ZNF624: variants seen among roughly 807,000 people sequenced by gnomAD.
ZNF624 encodes zinc finger protein 624.
Under a neutral mutation model 74.7 loss-of-function variants are expected in ZNF624, and 43 were observed. The ratio of observed to expected loss-of-function variants is 0.58; its 90% CI spans 0.45 to 0.74. The LOEUF (loss-of-function observed/expected upper bound fraction) is 0.74, where lower values mean the gene tolerates loss of function less well. Ranked by LOEUF, ZNF624 falls within the 30% of genes least tolerant of loss-of-function variation. The pLI, the probability that ZNF624 is intolerant of heterozygous loss-of-function variation, is 0.00. For synonymous variants in ZNF624, 331 were observed against 341.3 expected, an observed-to-expected ratio of 0.97 and a Z score of 0.33; for missense variants, 820 against 1,030.0, an observed-to-expected ratio of 0.80 and a Z score of 2.79.
chr17:16,622,277 CTTA>C lies in ZNF624; in HGVS notation c.*8_*10del. 1 of 1,527,230 alleles carries C rather than the reference CTTA, an allele frequency of 6.5e-7. No individual in the cohort carries two copies. The allele number at this position is 1,527,230 out of a possible 1,614,324, so 94.6% of individuals were successfully genotyped here. A position where few individuals can be genotyped will look rare whatever the true frequency, so the allele number is the denominator to read the frequency against. On this transcript the variant is annotated 3_prime_UTR_variant, in exon 6 of 6. Transcript: ENST00000311331. Reference sequence around the variant, plus strand: ...GTGGAGTTGACATCTAGGTGAATGACTTATTGTTCTTTATATTAACTGAGTTTC... The same window carrying C: ...GTGGAGTTGACATCTAGGTGAATGACTTGTTCTTTATATTAACTGAGTTTC...
intron 3 of ZNF624, among the ~76,000 whole-genome samples, chr17:16,646,594 G>T (rs1487601123): frequency 2.0e-5 from 3 of 152,168 alleles, no homozygotes; most frequent in African/African-American, 7.2e-5. Flanking sequence ...AAAGAATGCT[G>T]GAATAAGACT....
chr17:16,617,501 C>A (rs572145539), downstream of ZNF624: 7 of 1,598,670 alleles, frequency 4.4e-6, no homozygotes, highest in Admixed American at 8.3e-5. Flanking sequence ...CGCATAAAAT[C>A]CTTTAAATCT....
At chr17:16,626,389 A>G (rs1909072802) in intron 5 of ZNF624, among the ~76,000 whole-genome samples, 1 of 152,122 alleles carries the variant, frequency 6.6e-6, no homozygotes, top group Non-Finnish European at 1.5e-5. Context: ...AATTAGTTTG[A>G]GCATATTTTT....
At chr17:16,627,547 G>A (rs1400071777) in intron 5 of ZNF624, among the ~76,000 whole-genome samples, 1 of 152,106 alleles carries the variant, frequency 6.6e-6, no homozygotes. Context: ...AAACAATCCT[G>A]GTATTTGGTG....
chr17:16,647,162 A>G (rs1597499265), intron 3 of ZNF624, among the ~76,000 whole-genome samples, 167 bp downstream of exon 3: 1 of 152,200 alleles, frequency 6.6e-6, no homozygotes, highest in Non-Finnish European at 1.5e-5. Context: ...TACGGCTGCC[A>G]CCTCTGAGAG....
intron 5 of ZNF624, among the ~76,000 whole-genome samples, chr17:16,631,935 CAAAAAG>C (rs972586449): frequency 6.6e-6 from 1 of 151,858 alleles, no homozygotes; most frequent in Non-Finnish European, 1.5e-5. Flanking sequence ...TAAACTGAAA[CAAAAAG>C]AAAAAGGAAA....
intron 1 of ZNF624, chr17:16,653,418 G>A (rs1909776242): frequency 6.6e-6 from 1 of 152,350 alleles, no homozygotes; most frequent in Admixed American, 6.5e-5. Flanking sequence ...TGGGAAGACC[G>A]GGAAAGTCGG....
At position 16,623,263 on chromosome 17, in the gene ZNF624, T is replaced by A; in HGVS notation, c.1623A>T (p.Ser541=). 1 of 1,613,992 alleles carries A rather than the reference T, an allele frequency of 6.2e-7. No individual in the cohort carries two copies. The highest frequency in any genetic ancestry group is 8.5e-7 in the Non-Finnish European group (1 of 1,179,884). The change falls in exon 6 of 6, where the codon TCA becomes TCT. Residue 541 remains serine (S), a synonymous_variant. Transcript: ENST00000311331. The surrounding 1 kb of genome is among the most constrained non-coding windows in gnomAD (Gnocchi z 5.3). ...NECGKAFINY[S]CLTVHHRMHT... is the part of the protein sequence containing the mutation. ...GCATTCTGTGGTGTACAGTAAGGCA[T>A]GAATAATTAATGAATGCTTTCCCAC...
chr17:16,622,609 T>C lies in ZNF624; in HGVS notation c.2277A>G (p.Lys759=). 1 of 1,614,030 alleles carries C rather than the reference T, an allele frequency of 6.2e-7. No individual in the cohort carries two copies. The highest frequency in any genetic ancestry group is 8.5e-7 in the Non-Finnish European group (1 of 1,179,954). ...EKPYKCDVCG[K]AFRRGSYLTV... is the part of the protein sequence containing the mutation. ...TAAGGTAAGAACCCCTCCTGAAGGCTTTTCCACAGACATCACACTTATAGG... is the reference window on the plus strand; with the variant it reads ...TAAGGTAAGAACCCCTCCTGAAGGCCTTTCCACAGACATCACACTTATAGG... Residue 759 remains lysine (K), a synonymous_variant, in exon 6 of 6, where the codon AAA becomes AAG. Transcript: ENST00000311331.
rs139927610 is a variant in ZNF624, at chr17:16,624,304, C to A, written c.582G>T (p.Lys194Asn). 88 of 1,613,594 alleles carry A rather than the reference C, an allele frequency of 5.5e-5. No individual in the cohort carries two copies. In the African/African-American group the frequency reaches 1.0e-3, roughly 19 times the overall value. The change falls in exon 6 of 6, where the codon AAG becomes AAT. Residue 194 changes from lysine (K) to asparagine (N), a missense_variant. Lys to Asn is a moderately conservative substitution (Grantham distance 94). Transcript: ENST00000311331. The stretch of plus-strand genomic sequence containing the variant: ...AGCCTCTTTGACTAGTGGGAGTCTT[C>A]TTGAGTGGAATTATTCTTTGACTCA... The part of the protein sequence containing the change: ...NHLSQRIIPL[K>N]KTPTSQRGFR...
intron 3 of ZNF624, among the ~76,000 whole-genome samples, chr17:16,641,289 CTCT>C (rs1197671268): frequency 1.3e-5 from 2 of 150,034 alleles, no homozygotes; most frequent in Non-Finnish European, 3.0e-5. Context: ...CTCTCTCTCT[CTCT>C]TTTTTTTTGG....
chr17:16,641,612 A>G (rs1432433747), intron 3 of ZNF624, among the ~76,000 whole-genome samples: 1 of 152,162 alleles, frequency 6.6e-6, no homozygotes, highest in Non-Finnish European at 1.5e-5. Flanking sequence ...TCAACATTAT[A>G]TCGTACATTT....
At chr17:16,620,511 T>C (rs530924233), downstream of ZNF624, among the ~76,000 whole-genome samples, 1 of 152,356 alleles carries the variant, frequency 6.6e-6, no homozygotes, top group South Asian at 2.1e-4. Flanking sequence ...CCAGATATTC[T>C]TGGGCACATT....
At chr17:16,642,184 G>GT (rs938606690) in intron 3 of ZNF624, among the ~76,000 whole-genome samples, 4 of 151,852 alleles carry the variant, frequency 2.6e-5, no homozygotes, top group Admixed American at 2.6e-4. Context: ...AAGTGAATTT[G>GT]TTTTTTTAAA....
chr17:16,650,491 T>TG (rs921669674), intron 1 of ZNF624, among the ~76,000 whole-genome samples: 6 of 151,912 alleles, frequency 3.9e-5, no homozygotes, highest in African/African-American at 1.4e-4. Flanking sequence ...CTTTTTATAT[T>TG]GAAAAAAAAG....
chr17:16,622,014 T>C lies in ZNF624; in HGVS notation c.*274A>G. On this transcript the variant is annotated 3_prime_UTR_variant, in exon 6 of 6. Coordinates refer to ENST00000311331, the MANE Select transcript of ZNF624 (RefSeq NM_020787.4). The stretch of plus-strand genomic sequence containing the variant: ...ATAAATGAATAGAAAAATAGGCAAA[T>C]ACATATATAGGCAATTAACTAAAGA... 1 of 229,550 alleles carries C rather than the reference T, an allele frequency of 4.4e-6. No homozygotes were observed. The highest frequency in any genetic ancestry group is 1.5e-4 in the South Asian group (1 of 6,758). The allele number at this position is 229,550 out of a possible 1,614,324, so 14.2% of individuals were successfully genotyped here. A position where few individuals can be genotyped will look rare whatever the true frequency, so the allele number is the denominator to read the frequency against.
intron 5 of ZNF624, among the ~76,000 whole-genome samples, chr17:16,631,904 C>G (rs1248709080): frequency 6.6e-6 from 1 of 152,114 alleles, no homozygotes; most frequent in African/African-American, 2.4e-5. Flanking sequence ...TTAAACGGAA[C>G]AATCCCTAAA....
At chr17:16,615,955 A>C (rs1908782137), downstream of ZNF624, among the ~76,000 whole-genome samples, 1 of 101,736 alleles carries the variant, frequency 9.8e-6, no homozygotes, top group Non-Finnish European at 1.9e-5. Flanking sequence ...TATTCCATAT[A>C]CATATATATA....
intron 5 of ZNF624, among the ~76,000 whole-genome samples, chr17:16,633,007 A>C (rs1909241581): frequency 6.6e-6 from 1 of 151,938 alleles, no homozygotes; most frequent in South Asian, 2.1e-4. Context: ...TCTTCCCCTT[A>C]CTGTTTTCTT....
Sources: allele counts gnomAD v4.1 joint callset (sites outside exome capture counted in the v4.1 genomes callset), GRCh38; gene constraint gnomAD v4.1.1; non-coding constraint Gnocchi (gnomAD v3.1); transcripts MANE v1.5; gene names NCBI Gene and HGNC (gene_info 2026-07-23, HGNC 2026-07-21).